The following ANK2 variants were observed in gnomAD, a reference collection of about 807,000 sequenced individuals.
ANK2 encodes ankyrin 2.
A neutral mutation model predicts 360.5 loss-of-function variants in ANK2; 83 were observed. The observed-to-expected ratio is 0.23, with a 90% CI of 0.19 to 0.28. ANK2 has a LOEUF of 0.28. Ranked by LOEUF, ANK2 falls within the 10% of genes least tolerant of loss-of-function variation. ANK2 has a pLI of 1.00. For missense variants in ANK2, 4,201 were observed against 4,795.7 expected, an observed-to-expected ratio of 0.88 and a Z score of 3.66; for synonymous variants, 1,740 against 1,759.5, an observed-to-expected ratio of 0.99 and a Z score of 0.28.
At chr4:112,983,070 C>A (rs889872924) in intron 2 of ANK2, among the ~76,000 whole-genome samples, 8 of 152,212 alleles carry the variant, frequency 5.3e-5, no homozygotes, top group African/African-American at 1.7e-4. Flanking sequence ...TTTTTTATTT[C>A]TCTCATTAAC....
chr4:113,116,502 A>G (rs1372858923), intron 1 of ANK2, among the ~76,000 whole-genome samples: 1 of 152,200 alleles, frequency 6.6e-6, no homozygotes, highest in East Asian at 1.9e-4. Context: ...AGCCCTTCCC[A>G]GACCTGCTCA....
chr4:113,302,712 A>G, intron 22 of ANK2, 55 bp from the exon 23 acceptor site: 1 of 1,431,054 alleles, frequency 7.0e-7, no homozygotes, highest in South Asian at 1.1e-5. Flanking sequence ...GATGCTTTTC[A>G]TCTTTTGTTT....
chr4:112,839,692 C>A (rs915519489), intron 1 of ANK2, among the ~76,000 whole-genome samples: 6 of 152,076 alleles, frequency 3.9e-5, no homozygotes, highest in Non-Finnish European at 7.4e-5. Flanking sequence ...AACAAGGAAG[C>A]GGCTTATTTT....
At chr4:113,255,997 C>A in intron 11 of ANK2, 65 bp downstream of exon 11, 1 of 1,541,106 alleles carries the variant, frequency 6.5e-7, no homozygotes, top group Non-Finnish European at 8.9e-7. Context: ...CATTCATTGA[C>A]CAACATGCAT....
At chr4:112,984,592 G>A (rs1041947358) in intron 2 of ANK2, among the ~76,000 whole-genome samples, 1 of 152,188 alleles carries the variant, frequency 6.6e-6, no homozygotes, top group African/African-American at 2.4e-5. Flanking sequence ...AATCATATCA[G>A]TCAGTATATA....
chr4:112,804,904 G>A, the ANK2 span, among the ~76,000 whole-genome samples: 3 of 151,882 alleles, frequency 2.0e-5, no homozygotes, highest in South Asian at 2.1e-4. Flanking sequence ...CAAGGCTGTC[G>A]TGAGCCATGA....
At chr4:112,716,131 G>A in the ANK2 span, among the ~76,000 whole-genome samples, 1 of 152,130 alleles carries the variant, frequency 6.6e-6, no homozygotes, top group Non-Finnish European at 1.5e-5. Flanking sequence ...CAGAAATGAG[G>A]TTTGCACAGC....
chr4:112,972,368 C>T (rs754226772), intron 2 of ANK2, among the ~76,000 whole-genome samples: 6 of 152,058 alleles, frequency 3.9e-5, no homozygotes, highest in African/African-American at 4.8e-5. Flanking sequence ...CAACAGGCCC[C>T]GGTGTGTGAT....
intron 1 of ANK2, among the ~76,000 whole-genome samples, chr4:113,091,915 T>C (rs2088425005): frequency 6.6e-6 from 1 of 152,252 alleles, no homozygotes; most frequent in Non-Finnish European, 1.5e-5. Context: ...TCAGACATTG[T>C]AAGAATGTGC....
intron 2 of ANK2, among the ~76,000 whole-genome samples, chr4:112,948,404 T>TA (rs1269530436): frequency 6.6e-6 from 1 of 152,154 alleles, no homozygotes; most frequent in Non-Finnish European, 1.5e-5. Flanking sequence ...GTTTTTTTTT[T>TA]ATGTTTGGAT....
At chr4:113,326,838 A>AAAAC (rs765955875) in intron 26 of ANK2, among the ~76,000 whole-genome samples, 6 of 152,208 alleles carry the variant, frequency 3.9e-5, no homozygotes, top group Non-Finnish European at 8.8e-5. Flanking sequence ...CCCATCTCTG[A>AAAAC]AAACAAACAA....
chr4:113,033,019 C>T (rs1212376494), intron 2 of ANK2, among the ~76,000 whole-genome samples: 1 of 152,062 alleles, frequency 6.6e-6, no homozygotes, highest in Non-Finnish European at 1.5e-5. Flanking sequence ...TGTGGAATCA[C>T]AAGCACTACT....
At chr4:113,014,195 G>T (rs548736315) in intron 2 of ANK2, among the ~76,000 whole-genome samples, 2 of 152,132 alleles carry the variant, frequency 1.3e-5, no homozygotes, top group African/African-American at 4.8e-5. Flanking sequence ...AAATAAAAGA[G>T]AAAATATTTG....
At chr4:113,095,578 T>C (rs1318096537) in intron 1 of ANK2, among the ~76,000 whole-genome samples, 2 of 152,204 alleles carry the variant, frequency 1.3e-5, no homozygotes, top group Non-Finnish European at 2.9e-5. Flanking sequence ...ATTATTCTAT[T>C]GTTATCCCCA....
chr4:112,833,122 C>A (rs191681268), intron 1 of ANK2, among the ~76,000 whole-genome samples: 67 of 152,300 alleles, frequency 4.4e-4, no homozygotes, highest in Admixed American at 7.8e-4. Flanking sequence ...CAGAAAGAGG[C>A]TTGGTTGTTC....
upstream of ANK2, among the ~76,000 whole-genome samples, chr4:112,815,711 T>C (rs1284144990): frequency 1.3e-5 from 2 of 152,196 alleles, no homozygotes; most frequent in African/African-American, 4.8e-5. Context: ...AAAGATTTAA[T>C]CAACCATACC....
Position 113,312,517 on chromosome 4 carries a change from T to C in ANK2, c.2693+1118T>C, listed in dbSNP as rs1467719923. On this transcript the variant is annotated intron_variant, in intron 24 of 45. Coordinates refer to ENST00000357077, the MANE Select transcript of ANK2 (RefSeq NM_001148.6). ...CCCCCTTCCACTATCTTTTTTTTTT[T>C]CTTTAGCAAGATAGGCTTGTTAACT... Among the ~76,000 whole-genome samples, 4 of 152,020 alleles carry C rather than the reference T, an allele frequency of 2.6e-5. No individual in the cohort carries two copies. In the South Asian group the frequency reaches 6.2e-4, roughly 24 times the overall value.
At chr4:113,174,702 T>A (rs2153225381) in intron 2 of ANK2, among the ~76,000 whole-genome samples, 185 bp downstream of exon 2, 1 of 152,352 alleles carries the variant, frequency 6.6e-6, no homozygotes, top group Middle Eastern at 3.4e-3. Context: ...AGAGCTAATG[T>A]TGCTGAAAAA....
At chr4:112,724,344 C>T in the ANK2 span, among the ~76,000 whole-genome samples, 540 of 152,200 alleles carry the variant, frequency 3.5e-3, 2 homozygotes, top group Non-Finnish European at 4.1e-3. Flanking sequence ...GGATTAAAGG[C>T]GTGAGCCACC....
Sources: allele counts gnomAD v4.1 joint callset (sites outside exome capture counted in the v4.1 genomes callset), GRCh38; gene constraint gnomAD v4.1.1; transcripts MANE v1.5; gene names NCBI Gene and HGNC (gene_info 2026-07-23, HGNC 2026-07-21).